CDH23: variants seen among roughly 807,000 people sequenced by gnomAD.
CDH23 encodes cadherin-23.
CDH23 carries 189 observed loss-of-function variants against 317.1 expected under a neutral mutation model. The observed-to-expected ratio is 0.60, with a 90% CI of 0.53 to 0.67. The LOEUF (loss-of-function observed/expected upper bound fraction) is 0.67. Among genes scored for constraint, CDH23 ranks in the 30% least tolerant of loss-of-function variants. CDH23 has a pLI of 0.00. For synonymous variants in CDH23, 1,839 were observed against 1,876.8 expected (o/e 0.98, Z 0.52); for missense variants, 4,401 against 4,592.4 (o/e 0.96, Z 1.20).
chr10:71,505,886 C>T (rs1234243299), intron 3 of CDH23, among the ~76,000 whole-genome samples: 3 of 152,220 alleles, frequency 2.0e-5, no homozygotes, highest in African/African-American at 4.8e-5. Flanking sequence ...CCTAAGTATA[C>T]ATCCAAAATA....
intron 39 of CDH23, 32 bp downstream of exon 39, chr10:71,777,933 G>A (rs752739904): frequency 6.2e-7 from 1 of 1,609,560 alleles, no homozygotes; most frequent in Non-Finnish European, 8.5e-7. Flanking sequence ...CAAGACAAGG[G>A]GCGAAACCTA....
intron 1 of CDH23, among the ~76,000 whole-genome samples, chr10:71,408,736 G>A (rs949744026): frequency 3.3e-5 from 5 of 152,346 alleles, no homozygotes; most frequent in East Asian, 1.9e-4. Flanking sequence ...AGGTGACCTC[G>A]TTGCACCTGT....
rs747849852 is a variant in CDH23 at position 71,725,423 on chromosome 10, G to A, written c.3482G>A (p.Arg1161Gln). 1.8e-5 allele frequency: 29 copies of A among 1,613,902 alleles called. No homozygotes were observed. Among genetic ancestry groups the A allele is most frequent in the East Asian group, 2.2e-5 (1 of 44,900 alleles). Residue 1161 changes from arginine (R) to glutamine (Q), a missense_variant, in exon 30 of 70, where the codon CGA becomes CAA. Arg to Gln is a conservative substitution (Grantham distance 43, BLOSUM62 1). This residue lies in a region of CDH23 where 3,068 missense variants were observed against 3,203.3 expected (regional missense o/e 0.96). Transcript: ENST00000224721. ...RIHVSNGLLM[R>Q]GPRPLDRERN... ...CATGTCAGCAATGGGCTCCTGATGCGAGGGCCCCGGCCCCTGGACCGGGAG... is the reference window on the plus strand; with the variant it reads ...CATGTCAGCAATGGGCTCCTGATGCAAGGGCCCCGGCCCCTGGACCGGGAG...
At chr10:71,602,889 C>T (rs1259885006) in intron 9 of CDH23, among the ~76,000 whole-genome samples, 1 of 152,228 alleles carries the variant, frequency 6.6e-6, no homozygotes, top group Non-Finnish European at 1.5e-5. Context: ...AGAATGTCCA[C>T]AAGCCCCAAA....
At chr10:71,454,016 G>A (rs947488368) in intron 3 of CDH23, among the ~76,000 whole-genome samples, 3 of 152,220 alleles carry the variant, frequency 2.0e-5, no homozygotes, top group Non-Finnish European at 4.4e-5. Context: ...ATGGGAGGTA[G>A]ACAGTGGGGG....
chr10:71,432,428 AGT>A lies in CDH23; in HGVS notation c.-5-7392_-5-7391del, dbSNP rs1220819481. Among the ~76,000 whole-genome samples, 6 of 117,908 alleles carry A rather than the reference AGT, an allele frequency of 5.1e-5. No homozygotes were observed. In the East Asian group the frequency reaches 7.6e-4, roughly 15 times the overall value. 77.4% of individuals were successfully genotyped at this position (117,908 alleles called of 152,430 possible). A position where few individuals can be genotyped will look rare whatever the true frequency, so the allele number is the denominator to read the frequency against. Reference sequence around the variant, plus strand: ...TTGTGTGTGTGTGAGTGTGTGGGTGAGTGTGTGTTTGAGAGCGTGTGTGTGAG... The same window carrying A: ...TTGTGTGTGTGTGAGTGTGTGGGTGAGTGTGTTTGAGAGCGTGTGTGTGAG... On this transcript the variant is annotated intron_variant, in intron 1 of 69. Transcript: ENST00000224721.
At chr10:71,403,918 C>T (rs1372458286) in intron 1 of CDH23, among the ~76,000 whole-genome samples, 1 of 152,024 alleles carries the variant, frequency 6.6e-6, no homozygotes, top group Non-Finnish European at 1.5e-5. Context: ...GGTGAAACCC[C>T]GTCTCTACTA....
chr10:71,518,598 T>C (rs759068115), intron 6 of CDH23, among the ~76,000 whole-genome samples: 2 of 152,194 alleles, frequency 1.3e-5, no homozygotes, highest in Admixed American at 6.5e-5. Flanking sequence ...GCAGTGTTAG[T>C]GTGCTGCAGA....
At position 71,730,731 on chromosome 10, in the gene CDH23, G is replaced by A. The variant is rs553949133; in HGVS notation, c.3715+127G>A. 20 of 1,365,570 alleles carry A rather than the reference G, an allele frequency of 1.5e-5. No individual in the cohort carries two copies. In the East Asian group the frequency reaches 4.5e-4, roughly 31 times the overall value. 84.6% of individuals were successfully genotyped at this position (1,365,570 alleles called of 1,614,324 possible). A position where few individuals can be genotyped will look rare whatever the true frequency, so the allele number is the denominator to read the frequency against. On this transcript the variant is annotated intron_variant, in intron 31 of 69. Transcript: ENST00000224721. The stretch of plus-strand genomic sequence containing the variant: ...TCCCCATTTAGCCATGTCTAGGCCA[G>A]GGAGGGGCTGCTGGGATGGTCTTGA...
chr10:71,507,845 G>A (rs534445392), intron 3 of CDH23, among the ~76,000 whole-genome samples: 14 of 152,302 alleles, frequency 9.2e-5, no homozygotes, highest in African/African-American at 2.2e-4. Flanking sequence ...CTCTTACACC[G>A]TCTAGAAAGA....
At chr10:71,809,497 G>T (rs1161895064) in intron 60 of CDH23, among the ~76,000 whole-genome samples, 1 of 152,148 alleles carries the variant, frequency 6.6e-6, no homozygotes, top group Non-Finnish European at 1.5e-5. Flanking sequence ...GAATTCTGAG[G>T]TACATGTGTT....
Position 71,687,682 on chromosome 10 carries a change from C to A in CDH23, c.2022C>A (p.Pro674=). The A allele has an allele frequency of 2.5e-6, 4 of 1,613,896 alleles. No homozygotes were observed. The highest frequency in any genetic ancestry group is 3.4e-6 in the Non-Finnish European group (4 of 1,179,876). The change falls in exon 19 of 70, where the codon CCC becomes CCA. Residue 674 remains proline, a synonymous_variant. Transcript: ENST00000224721. ...ENDNPPTFSK[P]AYFVSVVENI... is the part of the protein sequence containing the mutation. The stretch of plus-strand genomic sequence containing the variant: ...ACAACCCTCCCACCTTCAGCAAGCC[C>A]GCCTACTTCGTCTCCGTGGTGGAGA...
intron 11 of CDH23, among the ~76,000 whole-genome samples, chr10:71,622,097 T>C (rs963065400): frequency 1.3e-5 from 2 of 152,120 alleles, no homozygotes; most frequent in African/African-American, 4.8e-5. Context: ...AAATTAAAGG[T>C]TGTGGCAGCC....
intron 7 of CDH23, among the ~76,000 whole-genome samples, chr10:71,567,963 G>A (rs1012654122): frequency 1.3e-5 from 2 of 152,222 alleles, no homozygotes; most frequent in Non-Finnish European, 1.5e-5. Context: ...GGGGCCTGCC[G>A]GCAGCGCTGG....
intron 3 of CDH23, among the ~76,000 whole-genome samples, chr10:71,479,795 C>G (rs1170675423): frequency 6.6e-6 from 1 of 152,026 alleles, no homozygotes; most frequent in East Asian, 1.9e-4. Context: ...AGCATACACT[C>G]CTGTGGGAGC....
At chr10:71,720,680 TAA>T (rs932395032) in intron 28 of CDH23, among the ~76,000 whole-genome samples, 4 of 152,134 alleles carry the variant, frequency 2.6e-5, no homozygotes, top group African/African-American at 9.7e-5. Context: ...CCCTTGCCCA[TAA>T]AAAGAGGCAC....
intron 6 of CDH23, among the ~76,000 whole-genome samples, chr10:71,525,555 A>G (rs538695100): frequency 6.6e-6 from 1 of 152,296 alleles, no homozygotes; most frequent in South Asian, 2.1e-4. Context: ...CTGGCTGGGA[A>G]GAGGCCCCAT....
intron 38 of CDH23, among the ~76,000 whole-genome samples, chr10:71,747,150 A>T (rs1839871374): frequency 6.6e-6 from 1 of 152,124 alleles, no homozygotes; most frequent in Admixed American, 6.5e-5. Context: ...CTCCACATAC[A>T]ACTGGCTAAG....
rs1183979442 is a variant in CDH23, at chr10:71,758,007, C to T, written c.4845+16086C>T. Among the ~76,000 whole-genome samples, 4 of 152,108 alleles carry T rather than the reference C, an allele frequency of 2.6e-5. No individual in the cohort carries two copies. The South Asian group carries it at 6.2e-4, about 24-fold the overall frequency. ...ACTTTCATGTTATTTCATAGTCAAG[C>T]TACACTCTTACTTCCCAAGGATAAC... On this transcript the variant is annotated intron_variant, in intron 38 of 69. Coordinates refer to ENST00000224721, the MANE Select transcript of CDH23 (RefSeq NM_022124.6).
Sources: allele counts gnomAD v4.1 joint callset (sites outside exome capture counted in the v4.1 genomes callset), GRCh38; gene constraint gnomAD v4.1.1; regional missense constraint gnomAD v4.1.1; transcripts MANE v1.5; gene names NCBI Gene and HGNC (gene_info 2026-07-23, HGNC 2026-07-21).